Variants in DSCAM observed in about 807,000 individuals in gnomAD.
DSCAM encodes the protein DS cell adhesion molecule.
In DSCAM, 47 loss-of-function variants were observed where a neutral mutation model predicts 217.7. The ratio of observed to expected loss-of-function variants is 0.22; its 90% CI spans 0.17 to 0.28. DSCAM has a LOEUF of 0.28. Ranked by LOEUF, DSCAM falls within the 10% of genes least tolerant of loss-of-function variation. DSCAM has a pLI of 1.00. For synonymous variants in DSCAM, 1,056 were observed against 1,015.3 expected, an observed-to-expected ratio of 1.04 and a Z score of -0.76; for missense variants, 2,080 against 2,618.3, an observed-to-expected ratio of 0.79 and a Z score of 4.49.
chr21:40,260,597 G>A (rs1182077965), intron 11 of DSCAM, among the ~76,000 whole-genome samples: 1 of 152,144 alleles, frequency 6.6e-6, no homozygotes, highest in Admixed American at 6.5e-5. Flanking sequence ...TCACAACCAG[G>A]CACTTGCATT....
intron 3 of DSCAM, among the ~76,000 whole-genome samples, chr21:40,568,382 T>A (rs1568910996): frequency 6.6e-6 from 1 of 152,168 alleles, no homozygotes; most frequent in Non-Finnish European, 1.5e-5. Flanking sequence ...TCATTTCCAA[T>A]ATTCTGATTA....
chr21:40,576,771 C>T (rs574832326), intron 3 of DSCAM, among the ~76,000 whole-genome samples: 3 of 151,954 alleles, frequency 2.0e-5, no homozygotes, highest in South Asian at 2.1e-4. Context: ...GATATAAATG[C>T]GCAATTTTTA....
At position 40,433,534 on chromosome 21, in the gene DSCAM, A is replaced by T. The variant is rs115070182; in HGVS notation, c.509-64289T>A. Among the ~76,000 whole-genome samples the T allele has an allele frequency of 7.0e-3, 1,064 of 152,280 alleles. 9 individuals carry two copies. The highest frequency in any genetic ancestry group is 0.024 in the African/African-American group (997 of 41,540). On this transcript the variant is annotated intron_variant, in intron 3 of 32. Transcript: ENST00000400454. ...TTTCCTATAATTCAATTATTAAGGAATGAAAACAAAAGCTTGGAGAGAGTT... is the reference window on the plus strand; with the variant it reads ...TTTCCTATAATTCAATTATTAAGGATTGAAAACAAAAGCTTGGAGAGAGTT...
chr21:40,280,470 C>A (rs182137980), intron 10 of DSCAM, among the ~76,000 whole-genome samples: 3 of 151,832 alleles, frequency 2.0e-5, no homozygotes, highest in African/African-American at 4.8e-5. Flanking sequence ...AAAATAGGCA[C>A]GAGCCATTGT....
intron 16 of DSCAM, among the ~76,000 whole-genome samples, chr21:40,152,404 C>T (rs2090432971): frequency 6.6e-6 from 1 of 152,194 alleles, no homozygotes; most frequent in African/African-American, 2.4e-5. Flanking sequence ...CCATGTTGAA[C>T]TTTACTCCCC....
chr21:40,364,293 G>T (rs2074802631), intron 4 of DSCAM, among the ~76,000 whole-genome samples: 1 of 152,106 alleles, frequency 6.6e-6, no homozygotes, highest in Admixed American at 6.5e-5. Context: ...GCCCAACAAT[G>T]ATAGACTGGA....
chr21:40,723,831 A>G (rs545828384), intron 1 of DSCAM, among the ~76,000 whole-genome samples: 10 of 152,336 alleles, frequency 6.6e-5, no homozygotes, highest in African/African-American at 2.4e-4. Context: ...CGAAGATTTT[A>G]GCTACTTTGT....
At chr21:40,507,177 T>G (rs890127536) in intron 3 of DSCAM, among the ~76,000 whole-genome samples, 1 of 152,076 alleles carries the variant, frequency 6.6e-6, no homozygotes, top group Non-Finnish European at 1.5e-5. Flanking sequence ...CTCGGGAAGC[T>G]GAGGCAGGAG....
intron 1 of DSCAM, among the ~76,000 whole-genome samples, chr21:40,815,463 C>T (rs1445137853): frequency 6.6e-6 from 1 of 152,128 alleles, no homozygotes; most frequent in African/African-American, 2.4e-5. Flanking sequence ...CTGGCACCAA[C>T]CCTCTGCTGG....
chr21:40,220,717 T>C (rs1488401453), intron 11 of DSCAM, among the ~76,000 whole-genome samples: 1 of 152,208 alleles, frequency 6.6e-6, no homozygotes, highest in African/African-American at 2.4e-5. Flanking sequence ...AGCTTAACTG[T>C]GACTGAAGAA....
At chr21:40,643,101 G>A (rs75478832) in intron 3 of DSCAM, among the ~76,000 whole-genome samples, 4,603 of 152,210 alleles carry the variant, frequency 0.03, 199 homozygotes, top group African/African-American at 0.094. Context: ...TAGATGAAGA[G>A]ACACTAGAGA....
At chr21:40,448,248 A>G (rs978155483) in intron 3 of DSCAM, among the ~76,000 whole-genome samples, 5 of 152,218 alleles carry the variant, frequency 3.3e-5, no homozygotes, top group Admixed American at 6.5e-5. Flanking sequence ...GATGGCCCTC[A>G]GCAACGTAGG....
chr21:40,304,889 T>C (rs912432205), intron 9 of DSCAM, among the ~76,000 whole-genome samples: 3 of 152,192 alleles, frequency 2.0e-5, no homozygotes, highest in African/African-American at 7.2e-5. Context: ...ATTATAATAG[T>C]AACACCAGAG....
chr21:40,604,157 A>C (rs1375826719), intron 3 of DSCAM, among the ~76,000 whole-genome samples: 11 of 151,834 alleles, frequency 7.2e-5, no homozygotes, highest in Non-Finnish European at 1.3e-4. Context: ...TTTGGTTTAA[A>C]AAGTTTCTCC....
intron 16 of DSCAM, among the ~76,000 whole-genome samples, chr21:40,158,253 G>A (rs781042889): frequency 1.6e-4 from 25 of 152,046 alleles, no homozygotes; most frequent in Non-Finnish European, 3.1e-4. Flanking sequence ...GCATGGTGAT[G>A]GTGGTATGCA....
At chr21:40,157,547 A>C (rs1236495813) in intron 16 of DSCAM, among the ~76,000 whole-genome samples, 2 of 152,208 alleles carry the variant, frequency 1.3e-5, no homozygotes, top group Non-Finnish European at 2.9e-5. Flanking sequence ...CTTGTGTTCT[A>C]TCAGAAGACA....
At chr21:40,342,649 T>TA (rs1555907253) in intron 6 of DSCAM, among the ~76,000 whole-genome samples, 1,169 of 38,826 alleles carry the variant, frequency 0.03, 3 homozygotes, top group Non-Finnish European at 0.046. Flanking sequence ...TATATATATA[T>TA]TTTTTTTTTT....
At chr21:40,255,145 G>T (rs2073353957) in intron 11 of DSCAM, among the ~76,000 whole-genome samples, 1 of 152,076 alleles carries the variant, frequency 6.6e-6, no homozygotes, top group African/African-American at 2.4e-5. Context: ...CTCCTACTCA[G>T]TTTTCCTCTA....
At chr21:40,832,036 G>T (rs1033900165) in intron 1 of DSCAM, among the ~76,000 whole-genome samples, 1 of 152,194 alleles carries the variant, frequency 6.6e-6, no homozygotes, top group Non-Finnish European at 1.5e-5. Context: ...TCAAATCACA[G>T]TTGCCACCTG....
Sources: allele counts gnomAD v4.1 joint callset (sites outside exome capture counted in the v4.1 genomes callset), GRCh38; gene constraint gnomAD v4.1.1; transcripts MANE v1.5; gene names NCBI Gene and HGNC (gene_info 2026-07-23, HGNC 2026-07-21).